The following MCTP2 variants were observed in gnomAD, a reference collection of about 807,000 sequenced individuals.
The protein encoded by MCTP2 is multiple C2 and transmembrane domain-containing protein 2.
MCTP2 carries 132 observed loss-of-function variants against 111.6 expected under a neutral mutation model. That is an observed-to-expected ratio of 1.18 (90% CI 1.03 to 1.37). The LOEUF (loss-of-function observed/expected upper bound fraction) is 1.37. MCTP2 is among the 40% of genes most tolerant of loss of function. The pLI is 0.00. For synonymous variants in MCTP2, 395 were observed against 387.7 expected, an observed-to-expected ratio of 1.02 and a Z score of -0.22; for missense variants, 1,183 against 1,067.9, an observed-to-expected ratio of 1.11 and a Z score of -1.50.
intron 1 of MCTP2, among the ~76,000 whole-genome samples, chr15:94,257,626 AC>A (rs2072903421): frequency 1.0e-5 from 1 of 97,108 alleles, no homozygotes; most frequent in Admixed American, 1.6e-4. Flanking sequence ...TTGCTCTGTC[AC>A]CCAGGCTGGA....
At chr15:94,296,283 G>T (rs937209002) in intron 1 of MCTP2, among the ~76,000 whole-genome samples, 1 of 152,224 alleles carries the variant, frequency 6.6e-6, no homozygotes, top group African/African-American at 2.4e-5. Context: ...TTGCTAACGT[G>T]AAATTCAAGT....
intron 1 of MCTP2, among the ~76,000 whole-genome samples, chr15:94,265,367 A>G (rs1389234512): frequency 6.6e-6 from 1 of 152,202 alleles, no homozygotes; most frequent in Non-Finnish European, 1.5e-5. Flanking sequence ...TACTTTGTCC[A>G]AGGGGTCACG....
chr15:94,466,270 T>C (rs936167884), intron 20 of MCTP2, among the ~76,000 whole-genome samples: 2 of 152,138 alleles, frequency 1.3e-5, no homozygotes, highest in Admixed American at 1.3e-4. Flanking sequence ...ATGTGTCTTT[T>C]TGTGGTTTGC....
intron 10 of MCTP2, among the ~76,000 whole-genome samples, chr15:94,361,948 G>T (rs997267696): frequency 6.6e-6 from 1 of 152,152 alleles, no homozygotes; most frequent in Non-Finnish European, 1.5e-5. Context: ...TGCCCCGTAG[G>T]CCCCTCCTCC....
intron 1 of MCTP2, among the ~76,000 whole-genome samples, chr15:94,246,635 T>G (rs547289851): frequency 6.8e-4 from 103 of 152,318 alleles, no homozygotes; most frequent in African/African-American, 2.4e-3. Flanking sequence ...AAGATTGATT[T>G]GGATGTTTTT....
intron 1 of MCTP2, among the ~76,000 whole-genome samples, chr15:94,246,814 A>C (rs1436465484): frequency 6.6e-6 from 1 of 152,226 alleles, no homozygotes; most frequent in African/African-American, 2.4e-5. Context: ...ATGGAATCCA[A>C]GTGGTGGAGA....
intron 21 of MCTP2, among the ~76,000 whole-genome samples, chr15:94,474,984 G>A (rs2074238221): frequency 6.6e-6 from 1 of 152,016 alleles, no homozygotes; most frequent in Non-Finnish European, 1.5e-5. Flanking sequence ...GTTTTGATCA[G>A]CTGTGATATT....
intron 4 of MCTP2, 129 bp from the exon 5 acceptor site, chr15:94,339,161 T>G: frequency 1.6e-6 from 1 of 608,720 alleles, no homozygotes; most frequent in South Asian, 3.3e-5. Context: ...GTCTTCCATC[T>G]CCGAGCCCTT....
rs117485299 is a variant in MCTP2 at position 94,391,168 on chromosome 15, C to T, written c.1788+5643C>T. Among the ~76,000 whole-genome samples, 318 of 151,964 alleles carry T rather than the reference C, an allele frequency of 2.1e-3. 5 individuals carry two copies. In the East Asian group the frequency reaches 0.039, roughly 18 times the overall value. ...TGTTCTCGGTGAATCCATGTACACC[C>T]GATAGCTGGCTGCACCAATAACAGC... On this transcript the variant is annotated intron_variant, in intron 14 of 22. Coordinates refer to ENST00000357742, the MANE Select transcript of MCTP2 (RefSeq NM_001385001.1).
chr15:94,365,727 T>G (rs185309230), intron 10 of MCTP2, among the ~76,000 whole-genome samples: 9 of 152,270 alleles, frequency 5.9e-5, no homozygotes, highest in Admixed American at 4.6e-4. Context: ...GTCAGAGCAC[T>G]TGTATCTAAA....
chr15:94,249,093 CAT>C (rs1176048750), intron 1 of MCTP2, among the ~76,000 whole-genome samples: 2 of 152,148 alleles, frequency 1.3e-5, no homozygotes, highest in African/African-American at 4.8e-5. Context: ...AGATGACAAA[CAT>C]GATAATATTT....
chr15:94,429,062 T>G (rs74341576), intron 17 of MCTP2, among the ~76,000 whole-genome samples: 343 of 152,258 alleles, frequency 2.3e-3, no homozygotes, highest in Middle Eastern at 0.014. Flanking sequence ...TCATCCTCAC[T>G]CTCGTAGAAT....
intron 1 of MCTP2, among the ~76,000 whole-genome samples, chr15:94,265,746 G>T (rs1053607863): frequency 6.6e-6 from 1 of 152,050 alleles, no homozygotes; most frequent in African/African-American, 2.4e-5. Context: ...TTTTAAAAAG[G>T]AAGATAAAAT....
At chr15:94,466,904 A>T (rs576635171) in intron 20 of MCTP2, among the ~76,000 whole-genome samples, 11 of 152,140 alleles carry the variant, frequency 7.2e-5, no homozygotes, top group Non-Finnish European at 1.3e-4. Context: ...ATTCCTTTTT[A>T]AAAAGTAATT....
chr15:94,402,693 C>T lies in MCTP2; in HGVS notation c.2085+674C>T, dbSNP rs2081660978. 4 of 1,471,578 alleles carry T rather than the reference C, an allele frequency of 2.7e-6. No homozygotes were observed. The South Asian group carries it at 5.6e-5, about 20-fold the overall frequency. The allele number at this position is 1,471,578 out of a possible 1,614,324, so 91.2% of individuals were successfully genotyped here. ...CACTTTATATCTCAGGGCATTTTCT[C>T]TCATTTGTAAAGGGACTTGTCCTTG... On this transcript the variant is annotated intron_variant, in intron 17 of 22. Transcript: ENST00000357742.
At chr15:94,346,629 A>G (rs1235207449) in intron 8 of MCTP2, among the ~76,000 whole-genome samples, 1 of 152,182 alleles carries the variant, frequency 6.6e-6, no homozygotes, top group Non-Finnish European at 1.5e-5. Flanking sequence ...CTGTACATCA[A>G]TAACCATCTT....
chr15:94,261,581 T>C (rs889845452), intron 1 of MCTP2, among the ~76,000 whole-genome samples: 1 of 152,212 alleles, frequency 6.6e-6, no homozygotes, highest in African/African-American at 2.4e-5. Flanking sequence ...ATGTAGTACC[T>C]GTTCAGTAAA....
At chr15:94,245,977 G>A (rs565771158) in intron 1 of MCTP2, among the ~76,000 whole-genome samples, 39 of 152,078 alleles carry the variant, frequency 2.6e-4, no homozygotes, top group Non-Finnish European at 4.4e-4. Context: ...TAACCTCTTC[G>A]GAGCAGAGAG....
rs185735499 is a variant in MCTP2, at chr15:94,369,893, A to G, written c.1489-194A>G. ...TTAAAGCTGTCGTTAACTAATTCTC[A>G]GTCACTTTTCTTTTAATCTGGCTGC... On this transcript the variant is annotated intron_variant, in intron 11 of 22. Transcript: ENST00000357742. Among the ~76,000 whole-genome samples, 8 of 152,202 alleles carry G rather than the reference A, an allele frequency of 5.3e-5. No individual in the cohort carries two copies. In the East Asian group the frequency reaches 1.5e-3, roughly 29 times the overall value.
Sources: gnomAD v4.1 joint callset for allele counts (sites outside exome capture counted in the v4.1 genomes callset) on GRCh38, gnomAD v4.1.1 for gene constraint, MANE v1.5 for transcripts, NCBI Gene and HGNC (gene_info 2026-07-23, HGNC 2026-07-21) for gene names.